Variants in TIAM2 observed in about 807,000 individuals in gnomAD.
The protein encoded by TIAM2 is TIAM Rac1 associated GEF 2.
In TIAM2, 80 loss-of-function variants were observed where a neutral mutation model predicts 152.9. The observed-to-expected ratio is 0.52, with a 90% confidence interval of 0.44 to 0.63. The LOEUF (loss-of-function observed/expected upper bound fraction) is 0.63. Ranked by LOEUF, TIAM2 falls within the 30% of genes least tolerant of loss-of-function variation. The pLI is 0.00. For synonymous variants in TIAM2, 804 were observed against 838.0 expected, an observed-to-expected ratio of 0.96 and a Z score of 0.70; for missense variants, 1,965 against 2,120.1, an observed-to-expected ratio of 0.93 and a Z score of 1.44.
At chr6:155,060,173 G>A (rs74580450) in intron 1 of TIAM2, among the ~76,000 whole-genome samples, 8,347 of 152,232 alleles carry the variant, frequency 0.055, 270 homozygotes, top group Middle Eastern at 0.12. Flanking sequence ...GGAGGCCGAG[G>A]TGGGCAAATC....
At chr6:155,024,043 C>T (rs530960077) in intron 1 of TIAM2, among the ~76,000 whole-genome samples, 8 of 152,178 alleles carry the variant, frequency 5.3e-5, no homozygotes, top group Non-Finnish European at 8.8e-5. Flanking sequence ...CAGATTCCCT[C>T]CCACTCTGCA....
intron 12 of TIAM2, among the ~76,000 whole-genome samples, chr6:155,180,557 T>G (rs1780878018): frequency 6.6e-6 from 1 of 152,192 alleles, no homozygotes; most frequent in Non-Finnish European, 1.5e-5. Flanking sequence ...GATGCCTTCG[T>G]TTTTTAAAAA....
At chr6:155,248,740 A>G (rs917525365) in intron 20 of TIAM2, among the ~76,000 whole-genome samples, 1 of 152,246 alleles carries the variant, frequency 6.6e-6, no homozygotes, top group Non-Finnish European at 1.5e-5. Flanking sequence ...CAAAAACACA[A>G]AGCCTTGCAG....
At position 155,245,085 on chromosome 6, in the gene TIAM2, T is replaced by C. The variant is rs1277822730; in HGVS notation, c.3543+302T>C. On this transcript the variant is annotated intron_variant, in intron 18 of 26. Transcript: ENST00000682666. ...GAAGGATATCCAAGGTGGTTGCTTC[T>C]GAAACCAGAGCTCCTACCCTGTGCC... Among the ~76,000 whole-genome samples, 3 of 152,242 alleles carry C rather than the reference T, an allele frequency of 2.0e-5. No homozygotes were observed. In the East Asian group the frequency reaches 5.8e-4, roughly 29 times the overall value.
chr6:155,136,912 C>T (rs531624877), intron 4 of TIAM2, among the ~76,000 whole-genome samples: 13 of 152,286 alleles, frequency 8.5e-5, no homozygotes, highest in African/African-American at 2.9e-4. Flanking sequence ...CGATGCTAAG[C>T]ATAGGTTAGA....
chr6:155,256,628 G>C lies in TIAM2; in HGVS notation c.4613G>C (p.Arg1538Thr). 6.2e-7 allele frequency: 1 copy of C among 1,614,178 alleles called. No homozygotes were observed. The highest frequency in any genetic ancestry group is 1.6e-4 in the Middle Eastern group (1 of 6,062). ...QSSGCPTAEG[R>T]QDSKSTSPGK... ...AGCGGCTGCCCCACGGCTGAGGGCAGGCAGGACTCCAAGAGCACTTCTCCC... is the reference window on the plus strand; with the variant it reads ...AGCGGCTGCCCCACGGCTGAGGGCACGCAGGACTCCAAGAGCACTTCTCCC... Residue 1538 changes from arginine (R) to threonine (T), a missense_variant, in exon 27 of 27, where the codon AGG (arginine) becomes ACG (threonine). This residue lies in a region of TIAM2 where 935 missense variants were observed against 980.0 expected (regional missense o/e 0.95). Transcript: ENST00000682666.
chr6:155,179,031 C>T lies in TIAM2; in HGVS notation c.2524-8C>T. ...TTAAAATCTGAATAACTGTCTTTTT[C>T]TTTATAGATGAGGCAGTTGGAACCC... On this transcript the variant is annotated splice_region_variant and splice_polypyrimidine_tract_variant and intron_variant, in intron 10 of 26. Transcript: ENST00000682666. 6.2e-7 allele frequency: 1 copy of T among 1,602,028 alleles called. No homozygotes were observed. Among genetic ancestry groups the T allele is most frequent in the African/African-American group, 1.3e-5 (1 of 74,478 alleles).
intron 15 of TIAM2, among the ~76,000 whole-genome samples, chr6:155,217,681 G>T (rs1781895398): frequency 6.6e-6 from 1 of 152,124 alleles, no homozygotes; most frequent in Non-Finnish European, 1.5e-5. Context: ...GCTTTGGCAG[G>T]GATTATTTTT....
intron 1 of TIAM2, among the ~76,000 whole-genome samples, chr6:155,029,490 GTATATATTATATATAATATATAC>G (rs375160221): frequency 0.069 from 2,085 of 30,160 alleles, 471 homozygotes; most frequent in Middle Eastern, 0.12. Context: ...ATATACTATA[GTATATATTATATATAATATATAC>G]TATATATTAT....
At position 155,182,695 on chromosome 6, in the gene TIAM2, A is replaced by G. The variant is rs536248229; in HGVS notation, c.2800+377A>G. On this transcript the variant is annotated intron_variant, in intron 13 of 26. Transcript: ENST00000682666. ...TGTTTAAAAGAGTAAGTGTATACAT[A>G]TATATAGACAGAGGGAAGGAGGAAG... is the stretch of plus-strand genomic sequence containing the variant. Among the ~76,000 whole-genome samples, 20 of 152,048 alleles carry G rather than the reference A, an allele frequency of 1.3e-4. No individual in the cohort carries two copies. The South Asian group carries it at 3.7e-3, about 28-fold the overall frequency.
chr6:155,106,888 T>A (rs1204524014), intron 2 of TIAM2, among the ~76,000 whole-genome samples: 1 of 152,242 alleles, frequency 6.6e-6, no homozygotes, highest in Non-Finnish European at 1.5e-5. Flanking sequence ...AACCACTTTC[T>A]GGTTAAGTCT....
chr6:155,099,647 T>C (rs1455038882), intron 2 of TIAM2, among the ~76,000 whole-genome samples: 1 of 152,216 alleles, frequency 6.6e-6, no homozygotes, highest in East Asian at 1.9e-4. Flanking sequence ...GGTGATAGCA[T>C]TGAAGTTATT....
rs374467799 is a variant in TIAM2 at position 155,085,777 on chromosome 6, T to C, written c.-208-4512T>C. On this transcript the variant is annotated intron_variant, in intron 1 of 26. Transcript: ENST00000682666. ...GCTCCAAGGCTGCGGGACTGGCTGG[T>C]TTTCATGCTGATAAAAGCATGAGCC... is the stretch of plus-strand genomic sequence containing the variant. Among the ~76,000 whole-genome samples, 10 of 152,064 alleles carry C rather than the reference T, an allele frequency of 6.6e-5. No individual in the cohort carries two copies. In the East Asian group the frequency reaches 1.2e-3, roughly 18 times the overall value.
intron 15 of TIAM2, among the ~76,000 whole-genome samples, chr6:155,221,488 T>C (rs899703009): frequency 6.6e-6 from 1 of 152,172 alleles, no homozygotes; most frequent in African/African-American, 2.4e-5. Context: ...TTCTCCTTTT[T>C]CTCTCCATTG....
At chr6:155,117,469 G>A (rs1036676401) in intron 2 of TIAM2, among the ~76,000 whole-genome samples, 9 of 152,192 alleles carry the variant, frequency 5.9e-5, no homozygotes, top group African/African-American at 1.9e-4. Context: ...TGTAGACGGA[G>A]TCATGCTTTG....
At chr6:155,177,149 T>C (rs770490326) in intron 10 of TIAM2, among the ~76,000 whole-genome samples, 172 bp downstream of exon 10, 5 of 152,252 alleles carry the variant, frequency 3.3e-5, no homozygotes, top group Non-Finnish European at 5.9e-5. Context: ...ATTTGCATTC[T>C]ATTCCTTGAT....
chr6:155,040,447 A>G (rs987295357), intron 1 of TIAM2, among the ~76,000 whole-genome samples: 1 of 152,180 alleles, frequency 6.6e-6, no homozygotes, highest in African/African-American at 2.4e-5. Context: ...ACACAAGCTG[A>G]GTAGGCAAGA....
intron 15 of TIAM2, among the ~76,000 whole-genome samples, chr6:155,228,792 C>T (rs990885066): frequency 1.3e-5 from 2 of 151,986 alleles, no homozygotes; most frequent in African/African-American, 4.8e-5. Flanking sequence ...ACACACAAGC[C>T]CGACGCTCCT....
intron 1 of TIAM2, among the ~76,000 whole-genome samples, chr6:155,046,482 T>A (rs1777178377): frequency 6.6e-6 from 1 of 151,898 alleles, no homozygotes; most frequent in Non-Finnish European, 1.5e-5. Context: ...ACTACAGGCA[T>A]GTGCCACCAC....
Sources: allele counts gnomAD v4.1 joint callset (sites outside exome capture counted in the v4.1 genomes callset), GRCh38; gene constraint gnomAD v4.1.1; regional missense constraint gnomAD v4.1.1; transcripts MANE v1.5; gene names NCBI Gene and HGNC (gene_info 2026-07-23, HGNC 2026-07-21).